Variants in CYP7B1 observed in about 807,000 individuals in gnomAD.
CYP7B1 encodes cytochrome P450 7B1.
Under a neutral mutation model 42.7 loss-of-function variants are expected in CYP7B1, and 29 were observed. That is an observed-to-expected ratio of 0.68 (90% CI 0.51 to 0.93). The LOEUF (loss-of-function observed/expected upper bound fraction) is 0.93. Among genes scored for constraint, CYP7B1 ranks in the 40% least tolerant of loss-of-function variants. The pLI is 0.00. For missense variants in CYP7B1, 655 were observed against 600.5 expected (o/e 1.09, Z -0.95); for synonymous variants, 235 against 218.2 (o/e 1.08, Z -0.68).
At chr8:64,627,420 C>T (rs1226691936) in intron 1 of CYP7B1, among the ~76,000 whole-genome samples, 1 of 152,160 alleles carries the variant, frequency 6.6e-6, no homozygotes, top group Non-Finnish European at 1.5e-5. Flanking sequence ...TGATCTAGTT[C>T]ACCAAATTTC....
intron 1 of CYP7B1, among the ~76,000 whole-genome samples, chr8:64,795,001 G>C (rs893923973): frequency 6.6e-6 from 1 of 151,966 alleles, no homozygotes; most frequent in Non-Finnish European, 1.5e-5. Context: ...TATTACTGGC[G>C]GAAGTGTTCA....
intron 1 of CYP7B1, among the ~76,000 whole-genome samples, chr8:64,685,851 AGCCGTGCC>A: frequency 2.3e-5 from 1 of 43,580 alleles, no homozygotes; most frequent in African/African-American, 9.0e-5. Flanking sequence ...CCGCCCGGCC[AGCCGTGCC>A]ATCCGGGAGG....
intron 1 of CYP7B1, among the ~76,000 whole-genome samples, chr8:64,753,051 T>C (rs1429535891): frequency 6.6e-6 from 1 of 152,214 alleles, no homozygotes; most frequent in Non-Finnish European, 1.5e-5. Context: ...AGGTCAAATA[T>C]GAAGATTTTC....
chr8:64,618,008 A>G (rs1383265315), intron 2 of CYP7B1, among the ~76,000 whole-genome samples: 1 of 147,052 alleles, frequency 6.8e-6, no homozygotes, highest in African/African-American at 2.5e-5. Context: ...CAGTAAAGCT[A>G]GAAGTGGCTA....
chr8:64,717,621 C>T (rs181880398), intron 1 of CYP7B1, among the ~76,000 whole-genome samples: 4 of 152,006 alleles, frequency 2.6e-5, no homozygotes, highest in East Asian at 3.9e-4. Flanking sequence ...GGGAGGCCAG[C>T]GCAGGAGGAT....
At chr8:64,763,953 A>C (rs1273968595) in intron 1 of CYP7B1, among the ~76,000 whole-genome samples, 1 of 152,160 alleles carries the variant, frequency 6.6e-6, no homozygotes, top group Non-Finnish European at 1.5e-5. Flanking sequence ...CCTAGGTACT[A>C]ATGGTTCAGA....
intron 1 of CYP7B1, among the ~76,000 whole-genome samples, chr8:64,716,505 G>A (rs866644446): frequency 6.6e-6 from 1 of 151,970 alleles, no homozygotes; most frequent in African/African-American, 2.4e-5. Context: ...TCAAGAGGTC[G>A]AGACCAGCCT....
chr8:64,762,035 A>G (rs1322399496), intron 1 of CYP7B1, among the ~76,000 whole-genome samples: 3 of 152,194 alleles, frequency 2.0e-5, no homozygotes, highest in Non-Finnish European at 4.4e-5. Flanking sequence ...TTTCAAATGT[A>G]AAAATGTCTT....
chr8:64,765,765 G>A (rs1207852054), intron 1 of CYP7B1, among the ~76,000 whole-genome samples: 1 of 152,072 alleles, frequency 6.6e-6, no homozygotes, highest in East Asian at 1.9e-4. Flanking sequence ...TTTTCCAGAT[G>A]GGAAATGTTC....
chr8:64,764,986 A>G (rs1471914375), intron 1 of CYP7B1, among the ~76,000 whole-genome samples: 3 of 152,232 alleles, frequency 2.0e-5, no homozygotes, highest in East Asian at 1.9e-4. Context: ...GAAAAAAAAA[A>G]AAAAACACAA....
At chr8:64,588,965 T>C (rs1313071217), downstream of CYP7B1, among the ~76,000 whole-genome samples, 1 of 152,246 alleles carries the variant, frequency 6.6e-6, no homozygotes, top group Non-Finnish European at 1.5e-5. Context: ...TAACTTACTT[T>C]AATTTCCTTT....
intron 2 of CYP7B1, among the ~76,000 whole-genome samples, chr8:64,617,211 G>A (rs181574761): frequency 1.3e-5 from 2 of 152,230 alleles, no homozygotes; most frequent in Admixed American, 1.3e-4. Flanking sequence ...GGATGCTTGC[G>A]AAAAATACAG....
intron 1 of CYP7B1, among the ~76,000 whole-genome samples, chr8:64,771,047 CTTTTTTTTTT>C (rs757503820): frequency 2.3e-3 from 96 of 42,500 alleles, no homozygotes; most frequent in Middle Eastern, 0.045. Context: ...ATATCAGCAT[CTTTTTTTTTT>C]TTTTTTTTTT....
chr8:64,653,433 T>G (rs917523758), intron 1 of CYP7B1, among the ~76,000 whole-genome samples: 2 of 152,096 alleles, frequency 1.3e-5, no homozygotes, highest in Non-Finnish European at 2.9e-5. Flanking sequence ...ACATACACCC[T>G]CTCAAGACTG....
intron 1 of CYP7B1, among the ~76,000 whole-genome samples, chr8:64,679,807 CCAT>C (rs1186779726): frequency 1.3e-5 from 2 of 152,130 alleles, no homozygotes; most frequent in Non-Finnish European, 2.9e-5. Flanking sequence ...ACTTCTGAAA[CCAT>C]CATAACAATT....
intron 1 of CYP7B1, among the ~76,000 whole-genome samples, chr8:64,760,773 T>C (rs930814306): frequency 6.6e-6 from 1 of 152,044 alleles, no homozygotes; most frequent in Non-Finnish European, 1.5e-5. Context: ...GGTATACCCA[T>C]TACGTAAAAC....
chr8:64,674,157 G>A (rs1433706208), intron 1 of CYP7B1, among the ~76,000 whole-genome samples: 2 of 152,072 alleles, frequency 1.3e-5, no homozygotes, highest in East Asian at 1.9e-4. Flanking sequence ...GTCTTACTAG[G>A]AAGAATCGGC....
chr8:64,665,436 AAGG>A (rs1563382250), intron 1 of CYP7B1, among the ~76,000 whole-genome samples: 1 of 152,130 alleles, frequency 6.6e-6, no homozygotes, highest in Non-Finnish European at 1.5e-5. Flanking sequence ...CATTCAAAGA[AAGG>A]AGAATGTCAA....
intron 4 of CYP7B1, among the ~76,000 whole-genome samples, chr8:64,608,872 T>C (rs926895370): frequency 2.6e-5 from 4 of 152,156 alleles, no homozygotes; most frequent in East Asian, 1.9e-4. Flanking sequence ...TAAATCTGAA[T>C]TGGTACAAAT....
Sources: gnomAD v4.1 joint callset for allele counts (sites outside exome capture counted in the v4.1 genomes callset) on GRCh38, gnomAD v4.1.1 for gene constraint, MANE v1.5 for transcripts, NCBI Gene and HGNC (gene_info 2026-07-23, HGNC 2026-07-21) for gene names.